The following DSCAML1 variants were observed in gnomAD, a reference collection of about 807,000 sequenced individuals.
DSCAML1 encodes the protein DS cell adhesion molecule like 1.
In DSCAML1, 38 loss-of-function variants were observed where a neutral mutation model predicts 200.5. That is an observed-to-expected ratio of 0.19 (90% CI 0.15 to 0.25). The LOEUF (loss-of-function observed/expected upper bound fraction) is 0.25. DSCAML1 is among the 10% of genes least tolerant of loss of function. DSCAML1 has a pLI of 1.00. For synonymous variants in DSCAML1, 1,215 were observed against 1,165.0 expected (o/e 1.04, Z -0.87); for missense variants, 2,223 against 2,858.8 (o/e 0.78, Z 5.07).
intron 3 of DSCAML1, among the ~76,000 whole-genome samples, chr11:117,577,152 T>A (rs2137450326): frequency 6.6e-6 from 1 of 152,220 alleles, no homozygotes; most frequent in South Asian, 2.1e-4. Flanking sequence ...GGTTACTGAA[T>A]CTCTCTGGTC....
At chr11:117,488,600 T>C (rs957951491) in intron 11 of DSCAML1, among the ~76,000 whole-genome samples, 5 of 151,734 alleles carry the variant, frequency 3.3e-5, no homozygotes, top group Admixed American at 6.6e-5. Context: ...CAACAGACAG[T>C]CACAAACACA....
chr11:117,711,057 G>A (rs629060), intron 3 of DSCAML1, among the ~76,000 whole-genome samples: 1 of 151,998 alleles, frequency 6.6e-6, no homozygotes, highest in Non-Finnish European at 1.5e-5. Context: ...TCCTGTCTTC[G>A]CTAGAGAAAA....
In DSCAML1 at chr11:117,516,434, G is replaced by T. The variant is rs749249704; in HGVS notation, c.1783+33C>A. On this transcript the variant is annotated intron_variant, in intron 8 of 32. Coordinates refer to ENST00000651296, the MANE Select transcript of DSCAML1 (RefSeq NM_020693.4). The surrounding 1 kb of genome is among the most constrained non-coding windows in gnomAD (Gnocchi z 5.7). ...GCCCACGCATCCTGGGTGGTCAGGC[G>T]GGCAGGGGCCCTGGCTGGTGAGGGA... 10 of 1,596,396 alleles carry T rather than the reference G, an allele frequency of 6.3e-6. No homozygotes were observed. In the East Asian group the frequency reaches 2.2e-4, roughly 36 times the overall value.
intron 3 of DSCAML1, among the ~76,000 whole-genome samples, chr11:117,539,044 T>TC (rs1434019278): frequency 6.6e-6 from 1 of 152,134 alleles, no homozygotes; most frequent in Non-Finnish European, 1.5e-5. Context: ...TCCAGTGCAT[T>TC]CCCATCTCAA....
At chr11:117,580,106 T>C (rs2051013769) in intron 3 of DSCAML1, among the ~76,000 whole-genome samples, 1 of 152,202 alleles carries the variant, frequency 6.6e-6, no homozygotes, top group South Asian at 2.1e-4. Context: ...AGTGTTCGTA[T>C]AGAAAATGAA....
At chr11:117,477,742 C>A (rs937632733) in intron 14 of DSCAML1, among the ~76,000 whole-genome samples, 12 of 152,306 alleles carry the variant, frequency 7.9e-5, no homozygotes, top group Middle Eastern at 3.4e-3. Context: ...ATGGGGAAGC[C>A]GTGCCATGCC....
chr11:117,459,581 G>T (rs1460552482), intron 18 of DSCAML1, among the ~76,000 whole-genome samples: 1 of 152,254 alleles, frequency 6.6e-6, no homozygotes, highest in Non-Finnish European at 1.5e-5. Context: ...GGAAGGGCTG[G>T]GACACTCCTG....
intron 3 of DSCAML1, among the ~76,000 whole-genome samples, chr11:117,622,820 T>A (rs1335545680): frequency 6.6e-6 from 1 of 152,172 alleles, no homozygotes; most frequent in Non-Finnish European, 1.5e-5. Flanking sequence ...ACATTTCCCA[T>A]GCTGCACTTC....
At chr11:117,690,337 C>T (rs2053474078) in intron 3 of DSCAML1, among the ~76,000 whole-genome samples, 1 of 152,248 alleles carries the variant, frequency 6.6e-6, no homozygotes, top group Admixed American at 6.5e-5. Context: ...TCACAAAGTT[C>T]CTGCCCCAGG....
At chr11:117,738,310 A>G (rs928108900) in intron 3 of DSCAML1, among the ~76,000 whole-genome samples, 9 of 152,062 alleles carry the variant, frequency 5.9e-5, no homozygotes, top group African/African-American at 2.2e-4. Context: ...ACACAAAATG[A>G]AACCTATTTT....
chr11:117,744,863 G>C (rs2137850150), intron 3 of DSCAML1, among the ~76,000 whole-genome samples: 1 of 152,358 alleles, frequency 6.6e-6, no homozygotes, highest in East Asian at 1.9e-4. Flanking sequence ...AAGCATGTCA[G>C]CTCTGAGATG....
chr11:117,710,549 T>C (rs543680980), intron 3 of DSCAML1, among the ~76,000 whole-genome samples: 2 of 152,126 alleles, frequency 1.3e-5, no homozygotes, highest in Non-Finnish European at 2.9e-5. Context: ...GCAGAGTAGT[T>C]TTCTGGTTTC....
chr11:117,680,596 G>A (rs1264294114), intron 3 of DSCAML1, among the ~76,000 whole-genome samples: 1 of 152,248 alleles, frequency 6.6e-6, no homozygotes, highest in Non-Finnish European at 1.5e-5. Flanking sequence ...GCAGCCAGCA[G>A]AGCAGCCTTC....
chr11:117,511,377 G>C (rs1592681700), intron 8 of DSCAML1, among the ~76,000 whole-genome samples: 1 of 152,116 alleles, frequency 6.6e-6, no homozygotes, highest in Non-Finnish European at 1.5e-5. Context: ...GTTTCTTCAC[G>C]GAGCCAATGC....
At chr11:117,807,069 A>C (rs1229456025) in intron 1 of DSCAML1, among the ~76,000 whole-genome samples, 1 of 152,174 alleles carries the variant, frequency 6.6e-6, no homozygotes, top group Non-Finnish European at 1.5e-5. Context: ...TGGCCGGGGC[A>C]CCCGCTTCCC....
At chr11:117,802,784 C>A (rs1319331540) in intron 1 of DSCAML1, among the ~76,000 whole-genome samples, 1 of 152,120 alleles carries the variant, frequency 6.6e-6, no homozygotes, top group Non-Finnish European at 1.5e-5. Context: ...TGTTTTCGTC[C>A]ATTTCTGATT....
chr11:117,585,140 C>T (rs766345161), intron 3 of DSCAML1, among the ~76,000 whole-genome samples: 2 of 152,146 alleles, frequency 1.3e-5, no homozygotes, highest in South Asian at 2.1e-4. Context: ...AATCCTTCCA[C>T]GTGACTCGCC....
intron 3 of DSCAML1, among the ~76,000 whole-genome samples, chr11:117,694,281 T>C (rs182118918): frequency 1.3e-5 from 2 of 151,804 alleles, no homozygotes; most frequent in African/African-American, 4.8e-5. Flanking sequence ...CAGGTGCCTG[T>C]AATCCCAGCT....
intron 3 of DSCAML1, among the ~76,000 whole-genome samples, chr11:117,740,560 C>G (rs1405671034): frequency 6.6e-6 from 1 of 152,116 alleles, no homozygotes; most frequent in Non-Finnish European, 1.5e-5. Context: ...CCTTCCTATT[C>G]TCCAACCCTG....
Sources: gnomAD v4.1 joint callset for allele counts (sites outside exome capture counted in the v4.1 genomes callset) on GRCh38, gnomAD v4.1.1 for gene constraint, Gnocchi (gnomAD v3.1) non-coding constraint, MANE v1.5 for transcripts, NCBI Gene and HGNC (gene_info 2026-07-23, HGNC 2026-07-21) for gene names.